The following GPR89B variants were observed in gnomAD, a reference collection of about 807,000 sequenced individuals.
GPR89B encodes the protein G protein-coupled receptor 89B.
In GPR89B, 25 loss-of-function variants were observed where a neutral mutation model predicts 52.4. That is an observed-to-expected ratio of 0.48 (90% CI 0.35 to 0.67). The LOEUF is 0.67. Ranked by LOEUF, GPR89B falls within the 30% of genes least tolerant of loss-of-function variation. The pLI is 0.01. For missense variants in GPR89B, 146 were observed against 450.2 expected (o/e 0.32, Z 6.11); for synonymous variants, 52 against 151.2 (o/e 0.34, Z 4.81).
rs1238099268 is a variant in GPR89B at position 147,956,391 on chromosome 1, A to T, written c.617+1989A>T. On this transcript the variant is annotated intron_variant, in intron 7 of 13. Coordinates refer to ENST00000314163, the MANE Select transcript of GPR89B (RefSeq NM_016334.5). ...TGGCAATTCAGTTTTTTGTGGTTCC[A>T]TATGTATTTTAGGATTATTTTTTCT... is the stretch of plus-strand genomic sequence containing the variant. 3.3e-5 allele frequency among the ~76,000 whole-genome samples: 5 copies of T among 152,402 alleles called. No homozygotes were observed. In the East Asian group the frequency reaches 9.6e-4, roughly 29 times the overall value.
the GPR89B span, among the ~76,000 whole-genome samples, chr1:147,999,179 C>T: frequency 1.3e-5 from 2 of 151,382 alleles, no homozygotes; most frequent in Admixed American, 6.6e-5. Flanking sequence ...CTGCAGCAGC[C>T]GCCTCTGATT....
intron 10 of GPR89B, among the ~76,000 whole-genome samples, chr1:147,971,899 G>C (rs1244637184): frequency 6.6e-6 from 1 of 151,304 alleles, no homozygotes; most frequent in Non-Finnish European, 1.5e-5. Flanking sequence ...CCATCACCAC[G>C]GTCAAGACAG....
chr1:148,006,778 G>A, the GPR89B span, among the ~76,000 whole-genome samples: 23 of 151,068 alleles, frequency 1.5e-4, no homozygotes, highest in East Asian at 3.9e-4. Flanking sequence ...ACGCAGGGCC[G>A]CAATCTTGGC....
intron 1 of GPR89B, chr1:147,928,989 T>A (rs587651432): frequency 2.8e-6 from 1 of 353,266 alleles, no homozygotes; most frequent in South Asian, 1.1e-4. Flanking sequence ...TACTGGATAC[T>A]GAGGACACGT....
At chr1:148,004,003 G>A in the GPR89B span, 24 of 511,086 alleles carry the variant, frequency 4.7e-5, 1 homozygote, top group Admixed American at 7.5e-4. Flanking sequence ...ACACACAGAT[G>A]AGGAATGACA....
intron 5 of GPR89B, among the ~76,000 whole-genome samples, chr1:147,949,158 C>T (rs1160364313): frequency 1.3e-5 from 2 of 152,138 alleles, no homozygotes; most frequent in African/African-American, 2.4e-5. Flanking sequence ...CCGGGTCTAC[C>T]TCTTTCCACA....
chr1:148,018,029 G>A, the GPR89B span, among the ~76,000 whole-genome samples: 1 of 147,464 alleles, frequency 6.8e-6, no homozygotes, highest in Admixed American at 6.7e-5. Context: ...GTGCACCTGA[G>A]ATCTAAGAGA....
intron 1 of GPR89B, among the ~76,000 whole-genome samples, chr1:147,929,488 T>C (rs1356859140): frequency 6.6e-6 from 1 of 152,232 alleles, no homozygotes; most frequent in African/African-American, 2.4e-5. Flanking sequence ...TGGCCAATAT[T>C]TGTGAAGCTC....
At chr1:147,979,749 T>C (rs1338658127) in intron 10 of GPR89B, among the ~76,000 whole-genome samples, 1 of 152,000 alleles carries the variant, frequency 6.6e-6, no homozygotes, top group South Asian at 2.1e-4. Context: ...TGGTGAATTA[T>C]CATTTTTCTA....
At chr1:147,978,362 C>G (rs1288565638) in intron 10 of GPR89B, among the ~76,000 whole-genome samples, 1 of 151,870 alleles carries the variant, frequency 6.6e-6, no homozygotes, top group Non-Finnish European at 1.5e-5. Flanking sequence ...TGGCTGCTTG[C>G]TCCGTCCTCT....
chr1:147,973,120 T>C (rs1657594375), intron 10 of GPR89B, among the ~76,000 whole-genome samples: 1 of 151,954 alleles, frequency 6.6e-6, no homozygotes, highest in Non-Finnish European at 1.5e-5. Context: ...GCAGTGGGCG[T>C]ACATGTGTAT....
At chr1:147,984,303 T>G (rs1404709446) in intron 10 of GPR89B, among the ~76,000 whole-genome samples, 3 of 151,510 alleles carry the variant, frequency 2.0e-5, no homozygotes, top group African/African-American at 7.3e-5. Context: ...AGTGTGCACA[T>G]GTACCCTAAA....
the GPR89B span, chr1:148,011,163 T>A: frequency 1.3e-5 from 2 of 152,184 alleles, no homozygotes; most frequent in Admixed American, 1.3e-4. Context: ...AAGTTCATGC[T>A]TGAAGGGCTA....
chr1:147,976,848 A>T (rs1254679496), intron 10 of GPR89B, among the ~76,000 whole-genome samples: 19 of 151,806 alleles, frequency 1.3e-4, no homozygotes, highest in African/African-American at 4.6e-4. Context: ...AAGTTCCCTC[A>T]GCATTTGCTT....
At chr1:148,001,968 G>A in the GPR89B span, among the ~76,000 whole-genome samples, 10 of 151,286 alleles carry the variant, frequency 6.6e-5, no homozygotes, top group East Asian at 1.9e-4. Context: ...GGGTGTGTTC[G>A]GTTTTGAATA....
At chr1:147,943,299 T>C in intron 3 of GPR89B, 139 bp from the exon 4 acceptor site, 1 of 1,329,938 alleles carries the variant, frequency 7.5e-7, no homozygotes, top group East Asian at 2.3e-5. Context: ...ATGAGTAGAT[T>C]TTAAGAGCCT....
chr1:147,999,078 A>G, the GPR89B span, among the ~76,000 whole-genome samples: 60 of 151,792 alleles, frequency 4.0e-4, no homozygotes, highest in African/African-American at 1.4e-3. Flanking sequence ...TTTTTCGATC[A>G]AAGTTCTCTA....
At chr1:147,950,496 G>A (rs1212240417) in intron 5 of GPR89B, among the ~76,000 whole-genome samples, 3 of 152,078 alleles carry the variant, frequency 2.0e-5, no homozygotes, top group South Asian at 2.1e-4. Context: ...ACGATGGGCG[G>A]CCAGGCAGAG....
At chr1:147,950,809 T>C (rs1655614626) in intron 5 of GPR89B, among the ~76,000 whole-genome samples, 1 of 152,158 alleles carries the variant, frequency 6.6e-6, no homozygotes, top group Admixed American at 6.5e-5. Flanking sequence ...GGCGCACGCC[T>C]GCAATCGCAG....
Sources: gnomAD v4.1 joint callset for allele counts (sites outside exome capture counted in the v4.1 genomes callset) on GRCh38, gnomAD v4.1.1 for gene constraint, MANE v1.5 for transcripts, NCBI Gene and HGNC (gene_info 2026-07-23, HGNC 2026-07-21) for gene names.